VWA8: variants seen among roughly 807,000 people sequenced by gnomAD.
VWA8 encodes von Willebrand factor A domain-containing protein 8.
In VWA8, 221 loss-of-function variants were observed where a neutral mutation model predicts 241.5. The observed-to-expected ratio is 0.91, with a 90% CI of 0.82 to 1.02. The LOEUF (loss-of-function observed/expected upper bound fraction) is 1.02. Ranked by LOEUF, VWA8 falls within the 50% of genes least tolerant of loss-of-function variation. The pLI, the probability that VWA8 is intolerant of heterozygous loss-of-function variation, is 0.00. For synonymous variants in VWA8, 852 were observed against 827.1 expected (o/e 1.03, Z -0.52); for missense variants, 2,322 against 2,328.7 (o/e 1.00, Z 0.06).
intron 12 of VWA8, among the ~76,000 whole-genome samples, chr13:41,847,085 T>G (rs1042349071): frequency 2.6e-5 from 4 of 152,088 alleles, no homozygotes; most frequent in African/African-American, 7.2e-5. Flanking sequence ...ATATATTGAA[T>G]ATATATATGA....
chr13:41,573,486 A>ATAAATAAATATATAT (rs1555303592), intron 43 of VWA8, among the ~76,000 whole-genome samples: 7 of 113,600 alleles, frequency 6.2e-5, no homozygotes, highest in African/African-American at 2.4e-4. Flanking sequence ...AAAAAAAAAA[A>ATAAATAAATATATAT]ATATATATAT....
intron 42 of VWA8, among the ~76,000 whole-genome samples, chr13:41,580,915 GCTT>G (rs1407468972): frequency 6.6e-6 from 1 of 152,196 alleles, no homozygotes; most frequent in Non-Finnish European, 1.5e-5. Context: ...GAGAAAGCCT[GCTT>G]CTCTTAGTTT....
intron 40 of VWA8, among the ~76,000 whole-genome samples, chr13:41,594,629 G>T (rs1271091872): frequency 6.6e-6 from 1 of 152,168 alleles, no homozygotes; most frequent in East Asian, 1.9e-4. Flanking sequence ...TTGTGACCTG[G>T]TTGCTGTAGC....
intron 17 of VWA8, among the ~76,000 whole-genome samples, chr13:41,789,692 G>A (rs748955543): frequency 1.0e-3 from 158 of 152,118 alleles, no homozygotes; most frequent in Non-Finnish European, 1.0e-3. Context: ...TTAAGGGTCG[G>A]GGTATTCTCA....
intron 35 of VWA8, 37 bp downstream of exon 35, chr13:41,685,010 A>G: frequency 6.4e-7 from 1 of 1,574,602 alleles, no homozygotes; most frequent in South Asian, 1.2e-5. Context: ...ACTTTAAACC[A>G]CCTTTGTAAA....
intron 37 of VWA8, among the ~76,000 whole-genome samples, chr13:41,638,292 A>G (rs570902730): frequency 1.3e-5 from 2 of 152,304 alleles, no homozygotes; most frequent in South Asian, 2.1e-4. Context: ...GAAATGGAGA[A>G]CTCATTCTAT....
intron 37 of VWA8, among the ~76,000 whole-genome samples, chr13:41,662,916 G>A (rs2044961566): frequency 6.6e-6 from 1 of 152,078 alleles, no homozygotes; most frequent in Non-Finnish European, 1.5e-5. Flanking sequence ...TCTATTCCTA[G>A]TTTCCTGAGA....
At chr13:41,713,997 A>G (rs2045333728) in intron 26 of VWA8, among the ~76,000 whole-genome samples, 1 of 152,130 alleles carries the variant, frequency 6.6e-6, no homozygotes, top group Non-Finnish European at 1.5e-5. Flanking sequence ...AATAATTAGA[A>G]AGAAATATTT....
intron 37 of VWA8, among the ~76,000 whole-genome samples, chr13:41,615,907 G>A (rs1043545168): frequency 1.3e-5 from 2 of 152,188 alleles, no homozygotes; most frequent in African/African-American, 2.4e-5. Context: ...TGCACACCAT[G>A]AGCCTGCTCT....
At chr13:41,950,048 G>A in intron 1 of VWA8, 35 bp from the exon 2 acceptor site, 1 of 1,307,872 alleles carries the variant, frequency 7.6e-7, no homozygotes, top group Non-Finnish European at 1.1e-6. Context: ...ATAATTATAA[G>A]AGACAAACGA....
chr13:41,896,124 A>G (rs1875095628), intron 4 of VWA8, among the ~76,000 whole-genome samples: 2 of 152,096 alleles, frequency 1.3e-5, no homozygotes. Context: ...CTAGAAATGT[A>G]ATGTATGAAC....
intron 37 of VWA8, among the ~76,000 whole-genome samples, chr13:41,642,452 G>T (rs770552502): frequency 6.6e-6 from 1 of 151,558 alleles, no homozygotes; most frequent in Non-Finnish European, 1.5e-5. Flanking sequence ...CCAGCTACTC[G>T]GGAGGCTGAG....
intron 37 of VWA8, among the ~76,000 whole-genome samples, chr13:41,617,118 ATT>A (rs901324222): frequency 6.8e-6 from 1 of 147,684 alleles, no homozygotes; most frequent in Non-Finnish European, 1.5e-5. Context: ...TGGAGATACT[ATT>A]TTTTTTTTTT....
intron 21 of VWA8, among the ~76,000 whole-genome samples, chr13:41,736,392 TG>T (rs1490454449): frequency 6.6e-6 from 1 of 152,164 alleles, no homozygotes; most frequent in African/African-American, 2.4e-5. Flanking sequence ...TTATTCCACA[TG>T]TAATAAAAGC....
chr13:41,944,191 T>G (rs1877738720), intron 2 of VWA8, among the ~76,000 whole-genome samples: 1 of 151,758 alleles, frequency 6.6e-6, no homozygotes, highest in Non-Finnish European at 1.5e-5. Flanking sequence ...TAAGGACCTC[T>G]GAAAATTCAT....
At chr13:41,600,058 T>A (rs150523191) in intron 40 of VWA8, among the ~76,000 whole-genome samples, 2,605 of 152,224 alleles carry the variant, frequency 0.017, 41 homozygotes, top group Non-Finnish European at 0.026. Flanking sequence ...TTAGTGACAT[T>A]CTGTTAGCTC....
At chr13:41,613,257 A>G (rs2044601087) in intron 38 of VWA8, among the ~76,000 whole-genome samples, 1 of 152,170 alleles carries the variant, frequency 6.6e-6, no homozygotes, top group Admixed American at 6.5e-5. Context: ...CTGCCTATTA[A>G]TTACACTACT....
intron 21 of VWA8, among the ~76,000 whole-genome samples, chr13:41,747,184 T>C (rs2045614554): frequency 6.6e-6 from 1 of 152,230 alleles, no homozygotes; most frequent in Non-Finnish European, 1.5e-5. Flanking sequence ...TAAATTACCT[T>C]GGGCAGTATG....
intron 9 of VWA8, among the ~76,000 whole-genome samples, chr13:41,873,220 A>G (rs1388504243): frequency 2.0e-5 from 3 of 152,196 alleles, no homozygotes; most frequent in Non-Finnish European, 4.4e-5. Context: ...AATGCCCACA[A>G]GAGAAAGCAG....
Sources: gnomAD v4.1 joint callset for allele counts (sites outside exome capture counted in the v4.1 genomes callset) on GRCh38, gnomAD v4.1.1 for gene constraint, MANE v1.5 for transcripts, NCBI Gene and HGNC (gene_info 2026-07-23, HGNC 2026-07-21) for gene names.